The following SLC9A9 variants were observed in gnomAD, a reference collection of about 807,000 sequenced individuals.
SLC9A9 encodes the protein solute carrier family 9 member A9.
In SLC9A9, 62 loss-of-function variants were observed where a neutral mutation model predicts 77.8. The ratio of observed to expected loss-of-function variants is 0.80; its 90% confidence interval spans 0.65 to 0.98. The LOEUF is 0.98. Among genes scored for constraint, SLC9A9 ranks in the 50% least tolerant of loss-of-function variants. The pLI, the probability that SLC9A9 is intolerant of heterozygous loss-of-function variation, is 0.00. For missense variants in SLC9A9, 775 were observed against 774.9 expected (o/e 1.00, Z 0.00); for synonymous variants, 320 against 283.5 (o/e 1.13, Z -1.29).
chr3:143,516,558 T>C (rs2036206377), intron 9 of SLC9A9, among the ~76,000 whole-genome samples: 1 of 152,168 alleles, frequency 6.6e-6, no homozygotes, highest in South Asian at 2.1e-4. Context: ...TATGCAGCTT[T>C]TATCGTATTT....
chr3:143,834,021 G>C (rs2009504452), intron 1 of SLC9A9, among the ~76,000 whole-genome samples: 1 of 152,130 alleles, frequency 6.6e-6, no homozygotes, highest in Non-Finnish European at 1.5e-5. Context: ...TTTTAGGCAG[G>C]GGAGTAAACC....
chr3:143,546,564 C>A (rs2036794467), intron 9 of SLC9A9, among the ~76,000 whole-genome samples: 1 of 152,152 alleles, frequency 6.6e-6, no homozygotes, highest in Non-Finnish European at 1.5e-5. Flanking sequence ...GGCCAAACAT[C>A]CATTTGTTTT....
At chr3:143,587,818 C>A (rs2037568990) in intron 6 of SLC9A9, among the ~76,000 whole-genome samples, 2 of 152,088 alleles carry the variant, frequency 1.3e-5, no homozygotes, top group South Asian at 2.1e-4. Context: ...GATGCCACCA[C>A]CTAAACGAGA....
chr3:143,479,878 T>TCCTA (rs1214399086), intron 11 of SLC9A9, among the ~76,000 whole-genome samples: 15 of 152,280 alleles, frequency 9.9e-5, no homozygotes, highest in African/African-American at 3.4e-4. Flanking sequence ...TGAGATTGAG[T>TCCTA]CCTATCTCTA....
At chr3:143,533,006 A>T (rs1164798891) in intron 9 of SLC9A9, among the ~76,000 whole-genome samples, 1 of 152,232 alleles carries the variant, frequency 6.6e-6, no homozygotes, top group African/African-American at 2.4e-5. Flanking sequence ...CCCTCAGAGA[A>T]CTTAATCCTG....
intron 3 of SLC9A9, 72 bp from the exon 4 acceptor site, chr3:143,795,149 A>C: frequency 7.1e-7 from 1 of 1,412,980 alleles, no homozygotes; most frequent in Non-Finnish European, 9.8e-7. Flanking sequence ...ATAAAAATAA[A>C]TGTATGCAGT....
chr3:143,442,395 C>T (rs62267817), intron 12 of SLC9A9, among the ~76,000 whole-genome samples: 25,542 of 152,160 alleles, frequency 0.17, 2,552 homozygotes, highest in East Asian at 0.37. Flanking sequence ...TTGGCTTTTG[C>T]AAATTGCTTG....
chr3:143,567,007 A>G (rs985725145), intron 8 of SLC9A9, among the ~76,000 whole-genome samples: 12 of 152,166 alleles, frequency 7.9e-5, no homozygotes, highest in Non-Finnish European at 1.3e-4. Context: ...CTGCTGAAGT[A>G]TTTTCAATAT....
intron 9 of SLC9A9, among the ~76,000 whole-genome samples, chr3:143,547,275 A>G (rs2036806269): frequency 6.6e-6 from 1 of 152,106 alleles, no homozygotes; most frequent in African/African-American, 2.4e-5. Flanking sequence ...TATCATCTCT[A>G]TATGTTAGTC....
intron 12 of SLC9A9, among the ~76,000 whole-genome samples, chr3:143,454,513 A>C (rs2035055427): frequency 6.6e-6 from 1 of 152,136 alleles, no homozygotes; most frequent in Non-Finnish European, 1.5e-5. Context: ...CTGAGGTTTA[A>C]GTCAAGGTTC....
intron 6 of SLC9A9, among the ~76,000 whole-genome samples, chr3:143,596,159 G>C (rs543121379): frequency 3.9e-5 from 6 of 152,232 alleles, no homozygotes; most frequent in African/African-American, 1.2e-4. Context: ...TGAAAATTTG[G>C]TGGTAAATAC....
intron 4 of SLC9A9, among the ~76,000 whole-genome samples, chr3:143,718,759 T>C (rs1221905171): frequency 1.3e-5 from 2 of 152,226 alleles, no homozygotes; most frequent in South Asian, 2.1e-4. Context: ...CCCTCTTTTT[T>C]CTTCTTTCAT....
intron 1 of SLC9A9, among the ~76,000 whole-genome samples, chr3:143,845,176 GCTAA>G (rs2009805791): frequency 6.6e-6 from 1 of 152,112 alleles, no homozygotes; most frequent in Admixed American, 6.6e-5. Flanking sequence ...CACCTCAACA[GCTAA>G]CTAATTACAC....
chr3:143,370,599 A>ACACACACC (rs762063734), intron 13 of SLC9A9, among the ~76,000 whole-genome samples: 99 of 151,092 alleles, frequency 6.6e-4, no homozygotes, highest in Non-Finnish European at 1.1e-3. Flanking sequence ...ACACACACAC[A>ACACACACC]CACCCTAACA....
rs184181128 is a variant in SLC9A9, at chr3:143,288,337, T to G, written c.1605-19357A>C. ...ATGCCCATAGGTTTCTTGGGACTGCTAAGTATAAATACGCAGCTCAGGTTC... is the reference window on the plus strand; with the variant it reads ...ATGCCCATAGGTTTCTTGGGACTGCGAAGTATAAATACGCAGCTCAGGTTC... On this transcript the variant is annotated intron_variant, in intron 14 of 15. Coordinates refer to ENST00000316549, the MANE Select transcript of SLC9A9 (RefSeq NM_173653.4). Among the ~76,000 whole-genome samples the G allele has an allele frequency of 3.9e-5, 6 of 152,286 alleles. No individual in the cohort carries two copies. In the East Asian group the frequency reaches 9.6e-4, roughly 24 times the overall value.
chr3:143,802,579 A>G (rs1018191551), intron 2 of SLC9A9, among the ~76,000 whole-genome samples: 4 of 152,196 alleles, frequency 2.6e-5, no homozygotes, highest in Non-Finnish European at 5.9e-5. Flanking sequence ...CTTCTGTCAG[A>G]CATAACTCCT....
intron 9 of SLC9A9, among the ~76,000 whole-genome samples, chr3:143,535,611 C>G (rs1241183724): frequency 6.6e-6 from 1 of 152,126 alleles, no homozygotes; most frequent in African/African-American, 2.4e-5. Flanking sequence ...GTACTTTCGA[C>G]TTAAGATACA....
chr3:143,732,665 A>T (rs1005379641), intron 4 of SLC9A9, among the ~76,000 whole-genome samples: 6 of 152,216 alleles, frequency 3.9e-5, no homozygotes, highest in African/African-American at 1.4e-4. Flanking sequence ...CAATAGACAA[A>T]TCCACCCTTC....
chr3:143,554,512 A>T (rs1273069090), intron 8 of SLC9A9, among the ~76,000 whole-genome samples: 1 of 152,108 alleles, frequency 6.6e-6, no homozygotes, highest in Non-Finnish European at 1.5e-5. Context: ...ATCCCTTTCC[A>T]AGCCCCCATA....
Sources: gnomAD v4.1 joint callset for allele counts (sites outside exome capture counted in the v4.1 genomes callset) on GRCh38, gnomAD v4.1.1 for gene constraint, MANE v1.5 for transcripts, NCBI Gene and HGNC (gene_info 2026-07-23, HGNC 2026-07-21) for gene names.